Variants in MET observed in about 807,000 individuals in gnomAD.
MET encodes MET proto-oncogene, receptor tyrosine kinase, also known as hepatocyte growth factor receptor.
Under a neutral mutation model 133.1 loss-of-function variants are expected in MET, and 48 were observed. That is an observed-to-expected ratio of 0.36 (90% CI 0.29 to 0.46). The LOEUF (loss-of-function observed/expected upper bound fraction) is 0.46. Among genes scored for constraint, MET ranks in the 20% least tolerant of loss-of-function variants. The pLI is 1.00. For synonymous variants in MET, 628 were observed against 616.5 expected (o/e 1.02, Z -0.28); for missense variants, 1,442 against 1,695.9 (o/e 0.85, Z 2.63).
At chr7:116,701,656 T>C (rs1392321895) in intron 2 of MET, among the ~76,000 whole-genome samples, 1 of 152,186 alleles carries the variant, frequency 6.6e-6, no homozygotes, top group South Asian at 2.1e-4. Context: ...ATACATTTAA[T>C]ATATGTTGCA....
rs1433483763 is a variant in MET, at chr7:116,763,091, C to A, written c.2406C>A (p.Thr802=). ...HRSNSEIICC[T]TPSLQQLNLQ... ...CTAATTCAGAGATAATCTGTTGTAC[C>A]ACTCCTTCCCTGCAACAGCTGAATC... Residue 802 remains threonine (T), a synonymous_variant, in exon 11 of 21, where the codon ACC becomes ACA. Coordinates refer to ENST00000397752, the MANE Select transcript of MET (RefSeq NM_000245.4). 3 of 1,613,698 alleles carry A rather than the reference C, an allele frequency of 1.9e-6. No homozygotes were observed. The highest frequency in any genetic ancestry group is 2.5e-6 in the Non-Finnish European group (3 of 1,179,908).
In MET at chr7:116,672,384, C is replaced by T. The variant is rs1157510767; in HGVS notation, c.-208C>T. On this transcript the variant is annotated 5_prime_UTR_variant, in exon 1 of 21. Transcript: ENST00000397752. ...GGGCGGGCGGGGCGCTGGGCTCAGCCCGGCCGCAGGTGACCCGGAGGCCCT... is the reference window on the plus strand; with the variant it reads ...GGGCGGGCGGGGCGCTGGGCTCAGCTCGGCCGCAGGTGACCCGGAGGCCCT... 2 of 371,370 alleles carry T rather than the reference C, an allele frequency of 5.4e-6. No homozygotes were observed. The highest frequency in any genetic ancestry group is 9.6e-6 in the Non-Finnish European group (2 of 208,604). The allele number at this position is 371,370 out of a possible 1,614,324, so 23.0% of individuals were successfully genotyped here.
intron 3 of MET, among the ~76,000 whole-genome samples, chr7:116,736,116 G>A (rs1198823208): frequency 6.6e-6 from 1 of 151,986 alleles, no homozygotes; most frequent in South Asian, 2.1e-4. Context: ...ACACTCAAGG[G>A]TTCTGAAATT....
intron 19 of MET, among the ~76,000 whole-genome samples, chr7:116,784,694 G>A (rs1182975356): frequency 2.0e-5 from 3 of 152,120 alleles, no homozygotes; most frequent in African/African-American, 7.2e-5. Context: ...AATTTTACAT[G>A]AGAGTTGGGT....
chr7:116,771,265 C>A (rs544488642), intron 12 of MET, among the ~76,000 whole-genome samples: 7 of 152,178 alleles, frequency 4.6e-5, no homozygotes, highest in South Asian at 2.1e-4. Flanking sequence ...TCCCTAATAC[C>A]TAGTTACAAA....
chr7:116,694,568 T>C (rs190947831), intron 1 of MET, among the ~76,000 whole-genome samples: 3 of 152,234 alleles, frequency 2.0e-5, no homozygotes, highest in Non-Finnish European at 4.4e-5. Flanking sequence ...TCTACATGTG[T>C]ACATTTTCTT....
chr7:116,737,104 C>CTG (rs1383012850), intron 3 of MET, among the ~76,000 whole-genome samples: 1 of 152,228 alleles, frequency 6.6e-6, no homozygotes, highest in Non-Finnish European at 1.5e-5. Flanking sequence ...GCATTTGCAT[C>CTG]TGTGGTACAG....
intron 1 of MET, among the ~76,000 whole-genome samples, chr7:116,673,653 A>G (rs1796053579): frequency 6.6e-6 from 1 of 152,222 alleles, no homozygotes; most frequent in South Asian, 2.1e-4. Context: ...CCTTACAGCT[A>G]AACTATTATA....
intron 5 of MET, among the ~76,000 whole-genome samples, chr7:116,741,501 A>AG (rs1217118002): frequency 1.3e-5 from 2 of 152,162 alleles, no homozygotes; most frequent in Non-Finnish European, 2.9e-5. Context: ...TGGAACCCTG[A>AG]GCTGAATCCT....
chr7:116,780,434 G>A (rs1290435208), intron 17 of MET, among the ~76,000 whole-genome samples: 2 of 152,116 alleles, frequency 1.3e-5, no homozygotes, highest in Admixed American at 1.3e-4. Context: ...TGCAGATAAG[G>A]CGAATTGACC....
At chr7:116,717,800 T>C (rs1405145346) in intron 2 of MET, among the ~76,000 whole-genome samples, 1 of 152,232 alleles carries the variant, frequency 6.6e-6, no homozygotes, top group Non-Finnish European at 1.5e-5. Flanking sequence ...TTACACTGAA[T>C]TAAATATAAT....
chr7:116,775,220 C>G, intron 15 of MET, 109 bp downstream of exon 15: 4 of 939,568 alleles, frequency 4.3e-6, no homozygotes, highest in Admixed American at 2.0e-5. Context: ...ACTGACAGAG[C>G]AGTGATAACA....
intron 11 of MET, among the ~76,000 whole-genome samples, chr7:116,764,255 A>G (rs1794525356): frequency 6.6e-6 from 1 of 152,220 alleles, no homozygotes; most frequent in African/African-American, 2.4e-5. Flanking sequence ...TGTGTTTTGT[A>G]CAATAATTAA....
intron 1 of MET, among the ~76,000 whole-genome samples, chr7:116,697,082 G>A (rs1054779569): frequency 7.2e-5 from 11 of 152,096 alleles, no homozygotes; most frequent in African/African-American, 1.2e-4. Context: ...CAGCACACCC[G>A]ACTCAACGTG....
intron 5 of MET, among the ~76,000 whole-genome samples, chr7:116,743,624 C>T (rs1300665336): frequency 6.6e-6 from 1 of 152,230 alleles, no homozygotes; most frequent in Non-Finnish European, 1.5e-5. Context: ...CAGACTTAAA[C>T]ATTCCTGCCT....
chr7:116,790,430 T>C (rs1300468749), intron 19 of MET, among the ~76,000 whole-genome samples: 4 of 152,228 alleles, frequency 2.6e-5, no homozygotes, highest in Non-Finnish European at 5.9e-5. Context: ...TGTTCTAGTA[T>C]ATGACAAGAT....
At chr7:116,725,303 G>A (rs765643487) in intron 2 of MET, among the ~76,000 whole-genome samples, 88 of 152,096 alleles carry the variant, frequency 5.8e-4, no homozygotes, top group Middle Eastern at 3.4e-3. Context: ...CTCTGCAAAT[G>A]TTATGTAACA....
chr7:116,698,036 A>G (rs563250599), intron 1 of MET, among the ~76,000 whole-genome samples: 2 of 152,268 alleles, frequency 1.3e-5, no homozygotes, highest in East Asian at 1.9e-4. Flanking sequence ...CATGATGCCT[A>G]GTATGTTTTT....
At chr7:116,731,099 G>C (rs940260537) in intron 2 of MET, among the ~76,000 whole-genome samples, 1 of 152,088 alleles carries the variant, frequency 6.6e-6, no homozygotes, top group African/African-American at 2.4e-5. Context: ...GAAATTACAT[G>C]ATTTTCTGAA....
Sources: allele counts gnomAD v4.1 joint callset (sites outside exome capture counted in the v4.1 genomes callset), GRCh38; gene constraint gnomAD v4.1.1; transcripts MANE v1.5; gene names NCBI Gene and HGNC (gene_info 2026-07-23, HGNC 2026-07-21).